The following TMTC2 variants were observed in gnomAD, a reference collection of about 807,000 sequenced individuals.
TMTC2 encodes protein O-mannosyl-transferase TMTC2.
TMTC2 carries 43 observed loss-of-function variants against 82.4 expected under a neutral mutation model. The observed-to-expected ratio is 0.52, with a 90% CI of 0.41 to 0.67. The LOEUF is 0.67. TMTC2 is among the 30% of genes least tolerant of loss of function. TMTC2 has a pLI of 0.00. For missense variants in TMTC2, 919 were observed against 1,012.4 expected, an observed-to-expected ratio of 0.91 and a Z score of 1.25; for synonymous variants, 408 against 381.9, an observed-to-expected ratio of 1.07 and a Z score of -0.80.
intron 7 of TMTC2, among the ~76,000 whole-genome samples, chr12:82,984,109 AT>A (rs56680656): frequency 0.11 from 17,237 of 152,028 alleles, 1,166 homozygotes; most frequent in African/African-American, 0.18. Context: ...ATTTTTGTGT[AT>A]TTTATTCCAG....
At chr12:83,090,220 G>A (rs530170070) in intron 11 of TMTC2, among the ~76,000 whole-genome samples, 2 of 152,298 alleles carry the variant, frequency 1.3e-5, no homozygotes, top group African/African-American at 2.4e-5. Context: ...TTTAGTTTGT[G>A]TCTTGAAGAC....
At chr12:83,032,508 A>G (rs1307961306) in intron 9 of TMTC2, among the ~76,000 whole-genome samples, 1 of 151,302 alleles carries the variant, frequency 6.6e-6, no homozygotes, top group Non-Finnish European at 1.5e-5. Context: ...CCCATGAAAA[A>G]TTTTTGGATT....
chr12:82,689,226 G>T (rs1187383986), intron 1 of TMTC2, among the ~76,000 whole-genome samples: 1 of 152,080 alleles, frequency 6.6e-6, no homozygotes, highest in East Asian at 1.9e-4. Flanking sequence ...AACCAGCTTG[G>T]GTCAGTGTGG....
chr12:82,765,194 T>C (rs1876880999), intron 1 of TMTC2, among the ~76,000 whole-genome samples: 1 of 152,186 alleles, frequency 6.6e-6, no homozygotes, highest in Admixed American at 6.5e-5. Flanking sequence ...ACATTTCCCT[T>C]TGGCTTAATG....
rs147079502 is a variant in TMTC2 at position 83,132,337 on chromosome 12, G to A, written c.2459G>A (p.Arg820His). The change falls in exon 12 of 12, where the codon CGC becomes CAC. Residue 820 changes from arginine (R) to histidine (H), a missense_variant. Coordinates refer to ENST00000321196, the MANE Select transcript of TMTC2 (RefSeq NM_152588.3). ...GATGTCATCACACAGTCCAATCTCC[G>A]CAAACTGTGGAACATCATGGAAAAA... is the stretch of plus-strand genomic sequence containing the variant. Reference protein sequence around the residue: ...PDDVITQSNLRKLWNIMEKQG... With the variant: ...PDDVITQSNLHKLWNIMEKQG... 58 of 1,613,888 alleles carry A rather than the reference G, an allele frequency of 3.6e-5. No individual in the cohort carries two copies. The African/African-American group carries it at 4.9e-4, about 14-fold the overall frequency.
intron 1 of TMTC2, among the ~76,000 whole-genome samples, chr12:82,704,062 GATA>G (rs1265014148): frequency 6.6e-6 from 1 of 152,090 alleles, no homozygotes; most frequent in Non-Finnish European, 1.5e-5. Context: ...TTTGAGTTCT[GATA>G]ATTTATTTTT....
At chr12:83,028,762 G>C (rs181385695) in intron 8 of TMTC2, among the ~76,000 whole-genome samples, 2 of 152,050 alleles carry the variant, frequency 1.3e-5, no homozygotes, top group Admixed American at 6.6e-5. Flanking sequence ...TGCCTGATTT[G>C]TTACAGTTAC....
At chr12:82,738,146 A>AT (rs1221179479) in intron 1 of TMTC2, among the ~76,000 whole-genome samples, 6 of 152,036 alleles carry the variant, frequency 3.9e-5, no homozygotes, top group South Asian at 2.1e-4. Flanking sequence ...TAATTAGGTA[A>AT]TTTTTTTATT....
chr12:82,895,733 A>C lies in TMTC2; in HGVS notation c.655-85A>C, dbSNP rs1003529984. The C allele has an allele frequency of 5.6e-6, 7 of 1,249,902 alleles. No individual in the cohort carries two copies. The African/African-American group carries it at 1.1e-4, about 19-fold the overall frequency. The allele number at this position is 1,249,902 out of a possible 1,614,324, so 77.4% of individuals were successfully genotyped here. On this transcript the variant is annotated intron_variant, in intron 2 of 11. Coordinates refer to ENST00000321196, the MANE Select transcript of TMTC2 (RefSeq NM_152588.3). The stretch of plus-strand genomic sequence containing the variant: ...GCTGTGTTTTTAACGGTCCATTTAA[A>C]AATGTATTTTATCTCTAAGTGTTAA...
intron 11 of TMTC2, among the ~76,000 whole-genome samples, chr12:83,102,272 T>A (rs150233387): frequency 8.3e-4 from 127 of 152,342 alleles, no homozygotes; most frequent in Middle Eastern, 3.4e-3. Context: ...AGTCTTTCTA[T>A]AAGTGAAGAA....
intron 1 of TMTC2, among the ~76,000 whole-genome samples, chr12:82,853,423 G>A (rs1871092093): frequency 6.6e-6 from 1 of 152,064 alleles, no homozygotes; most frequent in African/African-American, 2.4e-5. Flanking sequence ...TTTTCTCACG[G>A]TAAAATTATG....
chr12:82,943,272 T>C (rs536504801), intron 4 of TMTC2, among the ~76,000 whole-genome samples: 1 of 152,350 alleles, frequency 6.6e-6, no homozygotes, highest in African/African-American at 2.4e-5. Context: ...CCAAGTAGTA[T>C]TGGATGAATA....
At chr12:82,840,195 A>G (rs1457255180) in intron 1 of TMTC2, among the ~76,000 whole-genome samples, 1 of 152,208 alleles carries the variant, frequency 6.6e-6, no homozygotes, top group African/African-American at 2.4e-5. Context: ...TAACCTAGTT[A>G]CCTTATTTAC....
intron 4 of TMTC2, among the ~76,000 whole-genome samples, chr12:82,962,283 A>G (rs553868036): frequency 3.9e-4 from 59 of 152,122 alleles, no homozygotes; most frequent in African/African-American, 1.3e-3. Flanking sequence ...CATTCCCTTC[A>G]TGTTCATTCC....
At chr12:82,996,571 T>C (rs1879624942) in intron 8 of TMTC2, among the ~76,000 whole-genome samples, 1 of 152,242 alleles carries the variant, frequency 6.6e-6, no homozygotes, top group South Asian at 2.1e-4. Context: ...GCAATAACAG[T>C]ACCTGTGGTA....
chr12:83,016,940 T>C (rs183690516), intron 8 of TMTC2, among the ~76,000 whole-genome samples: 1 of 152,338 alleles, frequency 6.6e-6, no homozygotes, highest in Admixed American at 6.5e-5. Flanking sequence ...GCCTGATGCA[T>C]AGTAAGCTGC....
At chr12:83,084,367 T>A (rs1194959711) in intron 11 of TMTC2, among the ~76,000 whole-genome samples, 1 of 152,226 alleles carries the variant, frequency 6.6e-6, no homozygotes, top group African/African-American at 2.4e-5. Context: ...ATATTACTTT[T>A]AAAAACATAA....
intron 8 of TMTC2, among the ~76,000 whole-genome samples, chr12:82,992,335 TTTTG>T (rs1006306594): frequency 6.6e-6 from 1 of 152,220 alleles, no homozygotes; most frequent in African/African-American, 2.4e-5. Flanking sequence ...ATTTGGGTTT[TTTTG>T]TTTGTTTGTT....
chr12:82,854,874 C>T (rs1270379056), intron 1 of TMTC2, among the ~76,000 whole-genome samples: 1 of 151,994 alleles, frequency 6.6e-6, no homozygotes, highest in Non-Finnish European at 1.5e-5. Context: ...TAATTCTAAC[C>T]CCAAAATGCA....
Sources: allele counts gnomAD v4.1 joint callset (sites outside exome capture counted in the v4.1 genomes callset), GRCh38; gene constraint gnomAD v4.1.1; transcripts MANE v1.5; gene names NCBI Gene and HGNC (gene_info 2026-07-23, HGNC 2026-07-21).